Variants in RBFOX1 observed in about 807,000 individuals in gnomAD.
RBFOX1 encodes the protein RNA binding protein fox-1 homolog 1.
In RBFOX1, 8 loss-of-function variants were observed where a neutral mutation model predicts 57.7. That is an observed-to-expected ratio of 0.14 (90% CI 0.08 to 0.25). The LOEUF (loss-of-function observed/expected upper bound fraction) is 0.25. Among genes scored for constraint, RBFOX1 ranks in the 10% least tolerant of loss-of-function variants. The pLI is 1.00. For missense variants in RBFOX1, 611 were observed against 548.5 expected, an observed-to-expected ratio of 1.11 and a Z score of -1.14; for synonymous variants, 326 against 222.4, an observed-to-expected ratio of 1.47 and a Z score of -4.15.
At chr16:7,316,279 GA>G (rs2096437489) in intron 4 of RBFOX1, among the ~76,000 whole-genome samples, 1 of 152,184 alleles carries the variant, frequency 6.6e-6, no homozygotes, top group Non-Finnish European at 1.5e-5. Context: ...AGACTTTTGA[GA>G]GTTACATGGT....
At chr16:5,351,557 C>G (rs2065263013) in intron 1 of RBFOX1, among the ~76,000 whole-genome samples, 1 of 152,186 alleles carries the variant, frequency 6.6e-6, no homozygotes, top group South Asian at 2.1e-4. Context: ...AGATTCAACT[C>G]AAGGTGTTAT....
chr16:6,917,114 G>T (rs1055954204), intron 3 of RBFOX1, among the ~76,000 whole-genome samples: 22 of 152,178 alleles, frequency 1.4e-4, no homozygotes, highest in African/African-American at 5.3e-4. Flanking sequence ...GCCTCCCAGA[G>T]TGCTGGGGTT....
chr16:7,369,817 T>C (rs2097535008), intron 4 of RBFOX1, among the ~76,000 whole-genome samples: 3 of 152,210 alleles, frequency 2.0e-5, no homozygotes, highest in African/African-American at 7.2e-5. Flanking sequence ...ATAGCTCCCA[T>C]TAATTCTGGG....
At chr16:7,062,469 G>T (rs947583609) in intron 4 of RBFOX1, among the ~76,000 whole-genome samples, 1 of 151,600 alleles carries the variant, frequency 6.6e-6, no homozygotes, top group African/African-American at 2.4e-5. Flanking sequence ...GTGCTTCCTT[G>T]TTGTCTGCAG....
chr16:7,328,252 C>T (rs1191060514), intron 4 of RBFOX1, among the ~76,000 whole-genome samples: 1 of 151,994 alleles, frequency 6.6e-6, no homozygotes, highest in Admixed American at 6.6e-5. Flanking sequence ...GAGGCTGCGG[C>T]AGGTAGATCA....
intron 1 of RBFOX1, among the ~76,000 whole-genome samples, chr16:6,065,626 G>A (rs954924716): frequency 1.1e-4 from 17 of 152,104 alleles, no homozygotes; most frequent in African/African-American, 2.7e-4. Flanking sequence ...TGGATTTCAC[G>A]AACCTCCAAA....
chr16:5,389,067 T>C (rs1270304020), intron 1 of RBFOX1, among the ~76,000 whole-genome samples: 2 of 151,614 alleles, frequency 1.3e-5, no homozygotes, highest in Admixed American at 1.3e-4. Context: ...GGCAGGCCCC[T>C]GTAGTCCCAG....
At chr16:6,983,498 T>C (rs919140273) in intron 3 of RBFOX1, 8 of 151,914 alleles carry the variant, frequency 5.3e-5, no homozygotes, top group African/African-American at 1.9e-4. Flanking sequence ...AGCGCTTACT[T>C]CAGCTTATAA....
At chr16:7,653,316 C>A (rs369199245) in intron 11 of RBFOX1, among the ~76,000 whole-genome samples, 2 of 152,104 alleles carry the variant, frequency 1.3e-5, no homozygotes, top group Non-Finnish European at 2.9e-5. Context: ...GCCGGGGCAA[C>A]AAAGGGAGAT....
chr16:5,402,109 T>G (rs1318195683), intron 1 of RBFOX1, among the ~76,000 whole-genome samples: 1 of 151,760 alleles, frequency 6.6e-6, no homozygotes. Context: ...CATTTACCAG[T>G]CCCAGGCTTC....
At chr16:6,931,270 A>T (rs532198702) in intron 3 of RBFOX1, among the ~76,000 whole-genome samples, 156 of 147,966 alleles carry the variant, frequency 1.1e-3, no homozygotes, top group Non-Finnish European at 2.0e-3. Flanking sequence ...AAAAAAAAAA[A>T]ATCTATCTAT....
chr16:6,578,348 C>A (rs147302484), intron 2 of RBFOX1, among the ~76,000 whole-genome samples: 304 of 152,184 alleles, frequency 2.0e-3, no homozygotes, highest in African/African-American at 6.9e-3. Flanking sequence ...GCAATGTCCC[C>A]GGGACACAGC....
At chr16:7,668,581 G>A (rs529451948) in intron 13 of RBFOX1, among the ~76,000 whole-genome samples, 36 of 152,142 alleles carry the variant, frequency 2.4e-4, no homozygotes, top group African/African-American at 7.2e-4. Flanking sequence ...GCTACTCATC[G>A]GAGGTGATGC....
chr16:7,157,125 T>G (rs1173348423), intron 4 of RBFOX1, among the ~76,000 whole-genome samples: 1 of 152,148 alleles, frequency 6.6e-6, no homozygotes, highest in Non-Finnish European at 1.5e-5. Flanking sequence ...GAGAAAGCAA[T>G]CGTATTCTCA....
chr16:5,991,425 C>T lies in RBFOX1; in HGVS notation c.351+124090C>T, dbSNP rs147987182. On this transcript the variant is annotated intron_variant, in intron 4 of 19. Transcript: ENST00000641259. ...CACGTAGAAGGAATTAAAGAATCAT[C>T]GTCACTGCAGCTTTGTGCTGGGGAA... Among the ~76,000 whole-genome samples the T allele has an allele frequency of 2.3e-3, 357 of 152,226 alleles. 1 individual carries two copies. The highest frequency in any genetic ancestry group is 8.0e-3 in the African/African-American group (334 of 41,538).
intron 4 of RBFOX1, among the ~76,000 whole-genome samples, chr16:7,427,888 A>C (rs2149503164): frequency 6.6e-6 from 1 of 152,330 alleles, no homozygotes; most frequent in East Asian, 1.9e-4. Flanking sequence ...CCCTGACCTC[A>C]GATGATCTGC....
chr16:5,935,464 G>C (rs554576956), intron 4 of RBFOX1, among the ~76,000 whole-genome samples: 1 of 152,176 alleles, frequency 6.6e-6, no homozygotes, highest in Non-Finnish European at 1.5e-5. Context: ...ATGGCAGAGA[G>C]GTCTGGGGCA....
intron 1 of RBFOX1, among the ~76,000 whole-genome samples, chr16:5,367,057 G>C (rs535242085): frequency 6.6e-6 from 1 of 152,012 alleles, no homozygotes; most frequent in Non-Finnish European, 1.5e-5. Flanking sequence ...TGACATAGGT[G>C]GTTTTCTCAA....
chr16:6,894,111 A>G (rs554870621), intron 3 of RBFOX1, among the ~76,000 whole-genome samples: 1 of 152,196 alleles, frequency 6.6e-6, no homozygotes, highest in African/African-American at 2.4e-5. Context: ...AACAGATACA[A>G]ACATACATAG....
Sources: allele counts gnomAD v4.1 joint callset (sites outside exome capture counted in the v4.1 genomes callset), GRCh38; gene constraint gnomAD v4.1.1; transcripts MANE v1.5; gene names NCBI Gene and HGNC (gene_info 2026-07-23, HGNC 2026-07-21).